RNASE12: variants seen among roughly 807,000 people sequenced by gnomAD.
The protein encoded by RNASE12 is probable inactive ribonuclease-like protein 12.
For synonymous variants in RNASE12, 55 were observed against 59.8 expected, an observed-to-expected ratio of 0.92 and a Z score of 0.37; for missense variants, 161 against 177.6, an observed-to-expected ratio of 0.91 and a Z score of 0.53.
At chr14:20,590,424 C>A in exon 1 of RNASE12, 1 of 1,614,214 alleles carries the variant, frequency 6.2e-7, no homozygotes, top group South Asian at 1.1e-5. Context: ...TGAACTTTGT[C>A]TCACTCTGAA....
exon 1 of RNASE12, chr14:20,590,264 G>A (rs150792363): frequency 3.6e-5 from 58 of 1,610,008 alleles, no homozygotes; most frequent in Non-Finnish European, 4.6e-5. Context: ...TCTCAGACTC[G>A]GGAGCTGATC....
At chr14:20,590,150 A>C, downstream of RNASE12, 1 of 1,475,006 alleles carries the variant, frequency 6.8e-7, no homozygotes, top group Non-Finnish European at 9.0e-7. Context: ...AGGAAGGATA[A>C]ATTAATTACC....
rs145816232 is a variant in RNASE12 at position 20,590,610 on chromosome 14, G to A, written c.114C>T (p.Asp38=). The change falls in exon 1 of 1, where the codon GAC becomes GAT. Residue 38 remains aspartate, a synonymous_variant. Transcript: ENST00000556526. ...TGCAGTACCTTGCAGGAACGGGAAC[G>A]TCATTCTGAGGGTAGTCCACATGCA... is the stretch of plus-strand genomic sequence containing the variant. 273 of 1,614,190 alleles carry A rather than the reference G, an allele frequency of 1.7e-4. 1 individual carries two copies. The African/African-American group carries it at 2.9e-3, about 17-fold the overall frequency.
rs143758256 is a variant in RNASE12 at position 20,590,609 on chromosome 14, C to A, written c.115G>T (p.Val39Phe). 28 of 1,614,094 alleles carry A rather than the reference C, an allele frequency of 1.7e-5. No individual in the cohort carries two copies. The highest frequency in any genetic ancestry group is 2.4e-5 in the Non-Finnish European group (28 of 1,180,036). ...TTGCAGTACCTTGCAGGAACGGGAA[C>A]GTCATTCTGAGGGTAGTCCACATGC... is the stretch of plus-strand genomic sequence containing the variant. The change falls in exon 1 of 1, where the codon GTT becomes TTT. Residue 39 changes from valine to phenylalanine, a missense_variant. Coordinates refer to ENST00000556526, the Ensembl canonical transcript of RNASE12.
chr14:20,590,696 C>T (rs755494319), exon 1 of RNASE12: 17 of 1,613,858 alleles, frequency 1.1e-5, no homozygotes, highest in Non-Finnish European at 1.4e-5. Context: ...AACAGAAGCA[C>T]CAAGAAAATT....
chr14:20,590,908 G>T (rs1884565560), upstream of RNASE12: 3 of 1,431,238 alleles, frequency 2.1e-6, no homozygotes, highest in Non-Finnish European at 2.8e-6. Flanking sequence ...CCAGCTGGAG[G>T]CATAGTTCCC....
rs181447538 is a variant in RNASE12 at position 20,590,214 on chromosome 14, C to T, written c.*66G>A. 8.7e-4 allele frequency: 1,368 copies of T among 1,579,470 alleles called. 4 individuals are homozygous for T. The highest frequency in any genetic ancestry group is 1.0e-3 in the Non-Finnish European group (1,190 of 1,163,960). On this transcript the variant is annotated 3_prime_UTR_variant, in exon 1 of 1. Coordinates refer to ENST00000556526, the Ensembl canonical transcript of RNASE12. ...GCCCCATGTCCACGGTCCAGGTCTGCCTCAGGCACAGCCAGCTCCAATGCC... is the reference window on the plus strand; with the variant it reads ...GCCCCATGTCCACGGTCCAGGTCTGTCTCAGGCACAGCCAGCTCCAATGCC...
upstream of RNASE12, chr14:20,591,289 A>C: frequency 1.0e-6 from 1 of 985,376 alleles, no homozygotes; most frequent in African/African-American, 1.7e-5. Context: ...GTCACAGGTA[A>C]CATAGCCTTT....
At chr14:20,590,295 A>G in exon 1 of RNASE12, 2 of 1,613,636 alleles carry the variant, frequency 1.2e-6, no homozygotes, top group Non-Finnish European at 1.7e-6. Context: ...TAACATAGCC[A>G]AGGAAACTAT....
At chr14:20,590,940 T>A, upstream of RNASE12, 8 of 1,414,740 alleles carry the variant, frequency 5.7e-6, no homozygotes, top group Non-Finnish European at 7.4e-6. Flanking sequence ...TTTCTGAACA[T>A]GCCAGCTCTC....
chr14:20,591,036 C>T (rs1884569944), upstream of RNASE12: 1 of 984,954 alleles, frequency 1.0e-6, no homozygotes. Flanking sequence ...TACCACATCT[C>T]CTATTTCTCA....
downstream of RNASE12, chr14:20,590,104 T>C: frequency 3.3e-6 from 4 of 1,218,586 alleles, no homozygotes; most frequent in South Asian, 1.7e-5. Context: ...GATTATTTTA[T>C]TGAAGCAGAA....
At chr14:20,590,840 C>T (rs1241313512), upstream of RNASE12, 41 of 1,494,896 alleles carry the variant, frequency 2.7e-5, no homozygotes, top group Non-Finnish European at 3.3e-5. Context: ...CTCCCCCATC[C>T]TTGGAATATT....
upstream of RNASE12, chr14:20,591,252 C>T: frequency 1.0e-6 from 1 of 985,188 alleles, no homozygotes; most frequent in Non-Finnish European, 1.2e-6. Context: ...GTGCTAGCTC[C>T]TCTCACCTGT....
chr14:20,590,262 T>TC (rs756342658), exon 1 of RNASE12: 122 of 1,610,176 alleles, frequency 7.6e-5, no homozygotes, highest in Non-Finnish European at 1.0e-4. Flanking sequence ...GATCTCAGAC[T>TC]CGGGAGCTGA....
upstream of RNASE12, chr14:20,591,376 T>C (rs1302201839): frequency 1.2e-6 from 1 of 819,346 alleles, no homozygotes; most frequent in African/African-American, 1.9e-5. Flanking sequence ...TTGTTGAATG[T>C]GGGGAGGGCC....
At chr14:20,590,755 T>C in exon 1 of RNASE12, 1 of 1,599,530 alleles carries the variant, frequency 6.3e-7, no homozygotes, top group Non-Finnish European at 8.5e-7. Context: ...ATCTTTGGCT[T>C]TGACTGCTGT....
chr14:20,590,313 C>T, exon 1 of RNASE12: 1 of 1,614,146 alleles, frequency 6.2e-7, no homozygotes, highest in South Asian at 1.1e-5. Flanking sequence ...TATCTGGCCT[C>T]AAGTCATCAC....
upstream of RNASE12, chr14:20,591,043 C>G: frequency 1.0e-6 from 1 of 985,290 alleles, no homozygotes; most frequent in Non-Finnish European, 1.2e-6. Context: ...TCTCCTATTT[C>G]TCAAATCCTT....
Sources: gnomAD v4.1 joint callset for allele counts on GRCh38, gnomAD v4.1.1 for gene constraint, MANE v1.5 for transcripts, NCBI Gene and HGNC (gene_info 2026-07-23, HGNC 2026-07-21) for gene names.